The following EVL variants were observed in gnomAD, a reference collection of about 807,000 sequenced individuals.
EVL encodes ena/VASP-like protein.
A neutral mutation model predicts 59.6 loss-of-function variants in EVL; 21 were observed. The ratio of observed to expected loss-of-function variants is 0.35; its 90% CI spans 0.25 to 0.51. EVL has a LOEUF of 0.51. Ranked by LOEUF, EVL falls within the 20% of genes least tolerant of loss-of-function variation. The pLI, the probability that EVL is intolerant of heterozygous loss-of-function variation, is 0.97. For synonymous variants in EVL, 198 were observed against 203.5 expected, an observed-to-expected ratio of 0.97 and a Z score of 0.23; for missense variants, 462 against 546.6, an observed-to-expected ratio of 0.85 and a Z score of 1.54.
chr14:100,072,440 G>A (rs1248570843), intron 1 of EVL, among the ~76,000 whole-genome samples: 1 of 152,174 alleles, frequency 6.6e-6, no homozygotes, highest in African/African-American at 2.4e-5. Context: ...TCACTATGTT[G>A]GCCAGGCTGA....
intron 1 of EVL, among the ~76,000 whole-genome samples, chr14:100,027,959 G>A (rs1235845993): frequency 2.0e-5 from 3 of 152,200 alleles, no homozygotes; most frequent in Non-Finnish European, 4.4e-5. Flanking sequence ...ACAGGCATGA[G>A]CCACCGCACC....
At chr14:100,035,084 T>A (rs370030024) in intron 1 of EVL, among the ~76,000 whole-genome samples, 1 of 152,330 alleles carries the variant, frequency 6.6e-6, no homozygotes, top group Admixed American at 6.5e-5. Context: ...CTGTAACTGG[T>A]ATGTTACAAC....
At chr14:100,054,866 C>G (rs184101977) in intron 1 of EVL, among the ~76,000 whole-genome samples, 2 of 152,234 alleles carry the variant, frequency 1.3e-5, no homozygotes, top group Admixed American at 6.5e-5. Flanking sequence ...TAAATTAACA[C>G]CCAGGCACAC....
chr14:99,981,418 G>A (rs1017750180), intron 1 of EVL, among the ~76,000 whole-genome samples: 1 of 152,032 alleles, frequency 6.6e-6, no homozygotes, highest in African/African-American at 2.4e-5. Context: ...GCAACAGAGT[G>A]AAACTGTCTC....
intron 4 of EVL, 79 bp from the exon 5 acceptor site, chr14:100,126,628 G>A (rs1042245226): frequency 7.0e-5 from 105 of 1,491,356 alleles, no homozygotes; most frequent in African/African-American, 2.6e-4. Context: ...AGCCGGGGCC[G>A]GCGGGTACAG....
intron 1 of EVL, among the ~76,000 whole-genome samples, chr14:100,006,431 C>T (rs992483437): frequency 4.6e-5 from 7 of 151,846 alleles, no homozygotes; most frequent in African/African-American, 1.7e-4. Context: ...ATTACAGGTG[C>T]CTGCCACCAC....
chr14:100,083,610 A>G (rs2062363035), intron 1 of EVL, among the ~76,000 whole-genome samples: 1 of 152,176 alleles, frequency 6.6e-6, no homozygotes, highest in South Asian at 2.1e-4. Flanking sequence ...TTTAGTAATG[A>G]CTATTTTATC....
At chr14:100,112,584 C>T (rs371321334) in intron 3 of EVL, among the ~76,000 whole-genome samples, 3 of 152,206 alleles carry the variant, frequency 2.0e-5, no homozygotes, top group African/African-American at 4.8e-5. Flanking sequence ...ATCCCAGTTA[C>T]GCCATGCCCC....
chr14:100,100,230 G>A (rs1439922265), intron 3 of EVL, among the ~76,000 whole-genome samples: 1 of 152,044 alleles, frequency 6.6e-6, no homozygotes, highest in African/African-American at 2.4e-5. Flanking sequence ...GTGTCTTGTT[G>A]AGGCGGGGGC....
At chr14:100,100,281 G>A (rs1306541762) in intron 3 of EVL, among the ~76,000 whole-genome samples, 1 of 152,102 alleles carries the variant, frequency 6.6e-6, no homozygotes, top group East Asian at 1.9e-4. Context: ...TACAATGTGA[G>A]AGTACCCCAA....
At chr14:100,141,861 A>T (rs1294701268) in intron 13 of EVL, 68 bp downstream of exon 13, 8 of 1,482,612 alleles carry the variant, frequency 5.4e-6, no homozygotes, top group Non-Finnish European at 7.4e-6. Context: ...CCTGTCACCC[A>T]GGCTGGGGGC....
intron 3 of EVL, chr14:100,107,945 T>C (rs2140338743): frequency 6.6e-6 from 1 of 152,348 alleles, no homozygotes; most frequent in East Asian, 1.9e-4. Flanking sequence ...TTAGTGGGAA[T>C]CCGGGCGAAT....
chr14:100,101,223 A>G (rs1886198971), intron 3 of EVL, among the ~76,000 whole-genome samples: 1 of 151,992 alleles, frequency 6.6e-6, no homozygotes, highest in African/African-American at 2.4e-5. Flanking sequence ...GGTGGCTCAC[A>G]CCTGTAATCC....
Position 100,127,320 on chromosome 14 carries a change from G to A in EVL, c.487+549G>A, listed in dbSNP as rs1888138554. 6.6e-6 allele frequency among the ~76,000 whole-genome samples: 1 copy of A among 152,192 alleles called. No individual in the cohort carries two copies. Among genetic ancestry groups the A allele is most frequent in the Non-Finnish European group, 1.5e-5 (1 of 68,038 alleles). ...CATGTTCACTGATAGGCAAAGGACT[G>A]GATAATTTACCAAGTGCTTTCATGT... On this transcript the variant is annotated intron_variant, in intron 5 of 13. Coordinates refer to ENST00000392920, the MANE Select transcript of EVL (RefSeq NM_016337.3). This position sits in a 1 kb window ranked among gnomAD's most constrained non-coding sequence, Gnocchi z 4.2.
chr14:100,007,650 C>G (rs1265326707), intron 1 of EVL, among the ~76,000 whole-genome samples: 1 of 152,240 alleles, frequency 6.6e-6, no homozygotes, highest in Non-Finnish European at 1.5e-5. Flanking sequence ...GCCAAAGACT[C>G]AAAGTGTGTC....
chr14:100,063,381 G>C (rs745670492), upstream of EVL, among the ~76,000 whole-genome samples: 1 of 152,220 alleles, frequency 6.6e-6, no homozygotes, highest in Non-Finnish European at 1.5e-5. Flanking sequence ...GTGAGCAAGA[G>C]AGACCTATGT....
intron 2 of EVL, among the ~76,000 whole-genome samples, chr14:100,095,917 G>T (rs1446633573): frequency 6.6e-6 from 1 of 152,258 alleles, no homozygotes; most frequent in South Asian, 2.1e-4. Flanking sequence ...TAGTAGAGAC[G>T]GGGTTTTGCC....
chr14:100,089,670 C>T (rs1237285993), intron 2 of EVL, among the ~76,000 whole-genome samples: 3 of 152,208 alleles, frequency 2.0e-5, no homozygotes, highest in Non-Finnish European at 2.9e-5. Context: ...CCTGTAATCC[C>T]GGCATTTTGG....
intron 2 of EVL, among the ~76,000 whole-genome samples, chr14:100,087,916 G>A (rs886611860): frequency 1.4e-4 from 21 of 152,174 alleles, no homozygotes; most frequent in Admixed American, 3.9e-4. Context: ...GGGAACAATC[G>A]AAGGAGTAAC....
Sources: gnomAD v4.1 joint callset for allele counts (sites outside exome capture counted in the v4.1 genomes callset) on GRCh38, gnomAD v4.1.1 for gene constraint, Gnocchi (gnomAD v3.1) non-coding constraint, MANE v1.5 for transcripts, NCBI Gene and HGNC (gene_info 2026-07-23, HGNC 2026-07-21) for gene names.